Variants in RNF138 observed in about 807,000 individuals in gnomAD.
RNF138 encodes ring finger protein 138, also known as E3 ubiquitin-protein ligase RNF138.
A neutral mutation model predicts 31.0 loss-of-function variants in RNF138; 12 were observed. The observed-to-expected ratio is 0.39, with a 90% confidence interval of 0.25 to 0.63. The LOEUF is 0.63. RNF138 is among the 20% of genes least tolerant of loss of function. The pLI is 0.52. For synonymous variants in RNF138, 105 were observed against 99.5 expected, an observed-to-expected ratio of 1.06 and a Z score of -0.33; for missense variants, 192 against 300.1, an observed-to-expected ratio of 0.64 and a Z score of 2.66.
chr18:32,114,297 C>T (rs866668113), intron 4 of RNF138, among the ~76,000 whole-genome samples: 1 of 151,948 alleles, frequency 6.6e-6, no homozygotes, highest in African/African-American at 2.4e-5. Context: ...AAAATGAAAC[C>T]AGGTGCAGTG....
At chr18:32,123,851 C>T in intron 5 of RNF138, 1 of 194,520 alleles carries the variant, frequency 5.1e-6, no homozygotes, top group African/African-American at 2.3e-5. Flanking sequence ...CAGGGTTTCA[C>T]CATGTTGGCC....
Position 32,092,773 on chromosome 18 carries a change from C to A in RNF138, c.-4C>A. The A allele has an allele frequency of 6.4e-7, 1 of 1,560,372 alleles. No individual in the cohort carries two copies. The highest frequency in any genetic ancestry group is 8.7e-7 in the Non-Finnish European group (1 of 1,153,492). On this transcript the variant is annotated 5_prime_UTR_variant, in exon 2 of 8. Transcript: ENST00000261593. ...GCCATCGCCTTGTTTCCCCATCCCC[C>A]GCCATGGCCGAGGACCTCTCTGCGG...
chr18:32,097,723 A>G (rs1452373443), intron 2 of RNF138, among the ~76,000 whole-genome samples: 2 of 151,888 alleles, frequency 1.3e-5, no homozygotes, highest in African/African-American at 2.4e-5. Flanking sequence ...AGGTTTCACT[A>G]TATTGGCCAG....
intron 2 of RNF138, among the ~76,000 whole-genome samples, chr18:32,096,720 T>A (rs1294556916): frequency 3.3e-5 from 5 of 152,132 alleles, no homozygotes; most frequent in Non-Finnish European, 7.4e-5. Context: ...AGTGGTCAGA[T>A]GTAATTTTGT....
chr18:32,113,758 G>A lies in RNF138; in HGVS notation c.290G>A (p.Arg97His), dbSNP rs771435681. 19 of 1,411,996 alleles carry A rather than the reference G, an allele frequency of 1.3e-5. No homozygotes were observed. The highest frequency in any genetic ancestry group is 6.7e-5 in the South Asian group (5 of 75,018). 87.5% of individuals were successfully genotyped at this position (1,411,996 alleles called of 1,614,324 possible). A position where few individuals can be genotyped will look rare whatever the true frequency, so the allele number is the denominator to read the frequency against. ...RCCAKQIKFY[R>H]MRHHYKSCKK... ...AATAATTTACAGATTAAATTCTATC[G>A]CATGAGACATCATTACAAATCTTGT... The change falls in exon 4 of 8, where the codon CGC (arginine) becomes CAC (histidine). Residue 97 changes from arginine (R) to histidine (H), a missense_variant. By Grantham distance (29) the Arg-to-His change is conservative. Transcript: ENST00000261593.
intron 1 of RNF138, 43 bp from the exon 2 acceptor site, chr18:32,092,657 T>C (rs1352249019): frequency 1.5e-6 from 1 of 665,346 alleles, no homozygotes; most frequent in South Asian, 1.6e-5. Context: ...TGGCGCGCGC[T>C]GTATCCTGAT....
At chr18:32,117,403 AAGC>A (rs1314838513) in intron 4 of RNF138, among the ~76,000 whole-genome samples, 1 of 152,156 alleles carries the variant, frequency 6.6e-6, no homozygotes, top group Non-Finnish European at 1.5e-5. Flanking sequence ...GGTCTACTGA[AAGC>A]AGGAGAGAGG....
At chr18:32,117,736 A>T (rs2144262230) in intron 4 of RNF138, among the ~76,000 whole-genome samples, 1 of 152,352 alleles carries the variant, frequency 6.6e-6, no homozygotes, top group South Asian at 2.1e-4. Context: ...ACTGTAAATT[A>T]GTAAATATTG....
chr18:32,094,938 G>T (rs2039778402), intron 2 of RNF138, among the ~76,000 whole-genome samples: 1 of 152,082 alleles, frequency 6.6e-6, no homozygotes, highest in African/African-American at 2.4e-5. Context: ...TTTAAATCAA[G>T]GTTTATAATT....
At chr18:32,092,282 A>C in intron 1 of RNF138, 47 bp downstream of exon 1, 1 of 150,766 alleles carries the variant, frequency 6.6e-6, no homozygotes, top group Non-Finnish European at 1.5e-5. Context: ...GGTGCCGGGA[A>C]GCGGGGCGGG....
At chr18:32,110,854 C>T (rs1377937400) in intron 2 of RNF138, among the ~76,000 whole-genome samples, 3 of 151,704 alleles carry the variant, frequency 2.0e-5, no homozygotes, top group Non-Finnish European at 4.4e-5. Flanking sequence ...AATCTCGGCT[C>T]ACTGCAACCT....
intron 2 of RNF138, among the ~76,000 whole-genome samples, chr18:32,107,510 TTTTGTTTG>T (rs149799964): frequency 0.36 from 54,862 of 150,372 alleles, 11,663 homozygotes; most frequent in Admixed American, 0.52. Context: ...TAATTTAGTT[TTTTGTTTG>T]TTTGTTTGTT....
intron 2 of RNF138, among the ~76,000 whole-genome samples, chr18:32,109,714 C>T (rs1487472089): frequency 6.6e-6 from 1 of 152,080 alleles, no homozygotes; most frequent in Non-Finnish European, 1.5e-5. Flanking sequence ...TGGCAAAATC[C>T]CATCTCTACA....
intron 2 of RNF138, among the ~76,000 whole-genome samples, chr18:32,106,995 C>G (rs1320407193): frequency 1.3e-5 from 2 of 152,068 alleles, no homozygotes; most frequent in Non-Finnish European, 2.9e-5. Context: ...CTCACACTCT[C>G]ACTTTCTCCT....
intron 2 of RNF138, among the ~76,000 whole-genome samples, chr18:32,103,275 A>G (rs1270635795): frequency 6.6e-6 from 1 of 151,926 alleles, no homozygotes; most frequent in East Asian, 1.9e-4. Flanking sequence ...TGTAGCTTTG[A>G]ACTCCTGGAG....
At chr18:32,123,378 C>A in intron 4 of RNF138, 140 bp from the exon 5 acceptor site, 1 of 491,052 alleles carries the variant, frequency 2.0e-6, no homozygotes, top group Non-Finnish European at 3.5e-6. Context: ...TTCAAGGACC[C>A]AATAGGAAAA....
At chr18:32,122,234 T>C (rs192877980) in intron 4 of RNF138, among the ~76,000 whole-genome samples, 252 of 152,314 alleles carry the variant, frequency 1.7e-3, no homozygotes, top group African/African-American at 5.6e-3. Context: ...ATAACATTGT[T>C]ATCTTCACAG....
In RNF138 at chr18:32,112,541, C is replaced by G. The variant is rs2040148924; in HGVS notation, c.276+622C>G. ...TCTCTACTAAAAATAAAAAATCAGC[C>G]AGGTGTGGTGGCGCATGCCTATAAT... On this transcript the variant is annotated intron_variant, in intron 3 of 7. Coordinates refer to ENST00000261593, the MANE Select transcript of RNF138 (RefSeq NM_016271.5). Among the ~76,000 whole-genome samples, 3 of 152,214 alleles carry G rather than the reference C, an allele frequency of 2.0e-5. No homozygotes were observed. The South Asian group carries it at 6.2e-4, about 32-fold the overall frequency.
At chr18:32,092,971 C>G (rs112201790) in intron 2 of RNF138, 85 bp downstream of exon 2, 22 of 723,218 alleles carry the variant, frequency 3.0e-5, no homozygotes, top group Admixed American at 8.3e-5. Context: ...TGCCGCCTGG[C>G]GGGAACCGAG....
Sources: gnomAD v4.1 joint callset for allele counts (sites outside exome capture counted in the v4.1 genomes callset) on GRCh38, gnomAD v4.1.1 for gene constraint, MANE v1.5 for transcripts, NCBI Gene and HGNC (gene_info 2026-07-23, HGNC 2026-07-21) for gene names.